The following EBF4 variants were observed in gnomAD, a reference collection of about 807,000 sequenced individuals.
The protein encoded by EBF4 is EBF transcription factor 4.
Under a neutral mutation model 67.1 loss-of-function variants are expected in EBF4, and 34 were observed. The observed-to-expected ratio is 0.51, with a 90% CI of 0.39 to 0.67. The LOEUF is 0.67. EBF4 is among the 30% of genes least tolerant of loss of function. EBF4 has a pLI of 0.00. For missense variants in EBF4, 837 were observed against 873.3 expected (o/e 0.96, Z 0.52); for synonymous variants, 387 against 377.7 (o/e 1.02, Z -0.29).
At chr20:2,735,246 G>A (rs1298346698) in intron 6 of EBF4, among the ~76,000 whole-genome samples, 1 of 152,124 alleles carries the variant, frequency 6.6e-6, no homozygotes, top group African/African-American at 2.4e-5. Context: ...AAACTGACTG[G>A]GAATACAGCT....
intron 15 of EBF4, 193 bp from the exon 16 acceptor site, chr20:2,758,716 T>G: frequency 1.6e-6 from 1 of 616,718 alleles, no homozygotes; most frequent in East Asian, 2.8e-5. Flanking sequence ...GGGCGTGGGC[T>G]GCATCCCCTG....
intron 6 of EBF4, among the ~76,000 whole-genome samples, chr20:2,711,055 G>A (rs1393298262): frequency 6.6e-6 from 1 of 151,980 alleles, no homozygotes; most frequent in Non-Finnish European, 1.5e-5. Flanking sequence ...GGCCGAGGTG[G>A]GAGGATCACC....
intron 6 of EBF4, among the ~76,000 whole-genome samples, chr20:2,732,310 C>G (rs966583720): frequency 6.6e-6 from 1 of 152,034 alleles, no homozygotes; most frequent in Non-Finnish European, 1.5e-5. Flanking sequence ...TTAGTTGAGA[C>G]GGGGTTTCAC....
chr20:2,709,665 T>C, intron 6 of EBF4, 23 bp downstream of exon 6: 1 of 1,519,712 alleles, frequency 6.6e-7, no homozygotes, highest in East Asian at 2.5e-5. Context: ...GGAGGGGGCC[T>C]GGAAGCTCAG....
In EBF4 at chr20:2,748,539, ACT is replaced by A; in HGVS notation, c.558-9_558-8del. 6.4e-7 allele frequency: 1 copy of A among 1,551,054 alleles called. No individual in the cohort carries two copies. Among genetic ancestry groups the A allele is most frequent in the Non-Finnish European group, 8.7e-7 (1 of 1,146,482 alleles). On this transcript the variant is annotated splice_region_variant and splice_polypyrimidine_tract_variant and intron_variant, in intron 6 of 16. Coordinates refer to ENST00000609451, the Ensembl canonical transcript of EBF4. ...CCAGACCCTTGAGCCCACCGACCAC[ACT>A]GTTTCAGGTTCTTCCTCAAGTTCTT...
intron 6 of EBF4, among the ~76,000 whole-genome samples, chr20:2,729,356 C>G (rs1383008095): frequency 6.6e-6 from 1 of 152,146 alleles, no homozygotes; most frequent in Admixed American, 6.5e-5. Flanking sequence ...CTTAAAGCCA[C>G]CCCCACCAAT....
intron 5 of EBF4, 106 bp from the exon 6 acceptor site, chr20:2,709,468 A>T: frequency 6.6e-6 from 7 of 1,053,850 alleles, no homozygotes; most frequent in Non-Finnish European, 9.2e-6. Context: ...ACCCAGAGAC[A>T]GGACATCAGC....
chr20:2,730,251 C>T (rs1357799291), intron 6 of EBF4, among the ~76,000 whole-genome samples: 1 of 152,166 alleles, frequency 6.6e-6, no homozygotes, highest in East Asian at 1.9e-4. Context: ...CGTGCTCCCT[C>T]CAAAGGCCCT....
chr20:2,750,987 G>A (rs1347744209), intron 10 of EBF4, among the ~76,000 whole-genome samples: 1 of 152,172 alleles, frequency 6.6e-6, no homozygotes, highest in African/African-American at 2.4e-5. Flanking sequence ...GGATTAGGTC[G>A]GGGCCAGGCT....
chr20:2,727,297 A>C (rs1274942880), intron 6 of EBF4, among the ~76,000 whole-genome samples: 5 of 152,144 alleles, frequency 3.3e-5, no homozygotes, highest in Non-Finnish European at 5.9e-5. Flanking sequence ...GTGTGCAGAT[A>C]TCTCTCTGAG....
At chr20:2,724,602 T>C (rs529920759) in intron 6 of EBF4, among the ~76,000 whole-genome samples, 26 of 152,306 alleles carry the variant, frequency 1.7e-4, no homozygotes, top group African/African-American at 6.0e-4. Flanking sequence ...ATTTCCATTT[T>C]TGTTGTTGAA....
intron 6 of EBF4, among the ~76,000 whole-genome samples, chr20:2,728,221 T>C (rs1279513093): frequency 2.0e-5 from 3 of 152,224 alleles, no homozygotes; most frequent in African/African-American, 7.2e-5. Context: ...GGTGAGATCA[T>C]TTCTCTCCAT....
intron 5 of EBF4, among the ~76,000 whole-genome samples, chr20:2,708,486 C>T (rs1327665097): frequency 6.6e-6 from 1 of 152,218 alleles, no homozygotes; most frequent in Non-Finnish European, 1.5e-5. Flanking sequence ...CTTGGCATTT[C>T]TAGTAAGGTC....
intron 15 of EBF4, among the ~76,000 whole-genome samples, chr20:2,757,852 T>C (rs11906205): frequency 1.7e-3 from 263 of 151,948 alleles, no homozygotes; most frequent in African/African-American, 6.0e-3. Flanking sequence ...GAGGCTGAGG[T>C]GGGAGGATCA....
intron 6 of EBF4, among the ~76,000 whole-genome samples, chr20:2,724,758 G>A (rs570870578): frequency 6.6e-6 from 1 of 152,228 alleles, no homozygotes; most frequent in South Asian, 2.1e-4. Flanking sequence ...TAAAAAATTA[G>A]CCATGTGTTG....
chr20:2,728,641 A>G (rs73892656), intron 6 of EBF4, among the ~76,000 whole-genome samples: 10,173 of 151,186 alleles, frequency 0.067, 894 homozygotes, highest in African/African-American at 0.2. Flanking sequence ...AGATCTCTCA[A>G]ATCCCCCATC....
intron 6 of EBF4, among the ~76,000 whole-genome samples, chr20:2,746,898 C>T (rs1444924865): frequency 5.3e-5 from 8 of 152,156 alleles, no homozygotes; most frequent in African/African-American, 1.7e-4. Flanking sequence ...CTACTGCAGA[C>T]GTTAGCCCTG....
chr20:2,728,072 TG>T (rs2087768080), intron 6 of EBF4, among the ~76,000 whole-genome samples: 1 of 152,234 alleles, frequency 6.6e-6, no homozygotes, highest in African/African-American at 2.4e-5. Context: ...CAGATTAACC[TG>T]GAGGAAATGG....
intron 6 of EBF4, among the ~76,000 whole-genome samples, chr20:2,715,117 A>G (rs1408684219): frequency 2.0e-5 from 3 of 152,172 alleles, no homozygotes; most frequent in Non-Finnish European, 2.9e-5. Flanking sequence ...CCCAGTCCCC[A>G]TACCACTGCC....
Sources: gnomAD v4.1 joint callset for allele counts (sites outside exome capture counted in the v4.1 genomes callset) on GRCh38, gnomAD v4.1.1 for gene constraint, MANE v1.5 for transcripts, NCBI Gene and HGNC (gene_info 2026-07-23, HGNC 2026-07-21) for gene names.